PSD3: variants seen among roughly 807,000 people sequenced by gnomAD.
The protein encoded by PSD3 is pleckstrin and Sec7 domain containing 3.
A neutral mutation model predicts 105.5 loss-of-function variants in PSD3; 49 were observed. That is an observed-to-expected ratio of 0.46 (90% confidence interval 0.37 to 0.59). The LOEUF (loss-of-function observed/expected upper bound fraction) is 0.59. PSD3 is among the 20% of genes least tolerant of loss of function. PSD3 has a pLI of 0.00. For synonymous variants in PSD3, 557 were observed against 457.8 expected (o/e 1.22, Z -2.77); for missense variants, 1,561 against 1,263.8 (o/e 1.24, Z -3.57).
At chr8:18,888,262 A>T (rs1586334112) in intron 2 of PSD3, among the ~76,000 whole-genome samples, 1 of 152,354 alleles carries the variant, frequency 6.6e-6, no homozygotes, top group East Asian at 1.9e-4. Flanking sequence ...ATACACCCAG[A>T]AACAGAAGCT....
chr8:18,973,336 C>T (rs1824756107), intron 1 of PSD3, among the ~76,000 whole-genome samples: 1 of 152,190 alleles, frequency 6.6e-6, no homozygotes, highest in Admixed American at 6.5e-5. Context: ...GTGGCTTAAG[C>T]AACAGACATT....
At chr8:18,812,189 T>C (rs1811753819) in intron 4 of PSD3, among the ~76,000 whole-genome samples, 1 of 152,172 alleles carries the variant, frequency 6.6e-6, no homozygotes, top group African/African-American at 2.4e-5. Flanking sequence ...ATGTTGACGC[T>C]GAACTAGCTG....
intron 8 of PSD3, among the ~76,000 whole-genome samples, chr8:18,793,012 C>T (rs1422155266): frequency 1.3e-5 from 2 of 152,144 alleles, no homozygotes; most frequent in African/African-American, 4.8e-5. Flanking sequence ...ATGATGAGTT[C>T]ATATGCTTTG....
intron 14 of PSD3, among the ~76,000 whole-genome samples, chr8:18,571,801 A>C (rs184186727): frequency 4.7e-4 from 72 of 152,352 alleles, no homozygotes; most frequent in African/African-American, 1.6e-3. Flanking sequence ...CTATGTAATA[A>C]GAAATTCACA....
At chr8:18,663,215 C>T (rs1809486455) in intron 9 of PSD3, among the ~76,000 whole-genome samples, 1 of 151,990 alleles carries the variant, frequency 6.6e-6, no homozygotes, top group Admixed American at 6.6e-5. Context: ...TCACTTGAGC[C>T]CAGGAGTTCG....
chr8:18,900,919 A>G (rs1303645925), intron 2 of PSD3, among the ~76,000 whole-genome samples: 1 of 152,142 alleles, frequency 6.6e-6, no homozygotes, highest in African/African-American at 2.4e-5. Context: ...TAGCAACAAC[A>G]GGTGGCTTCA....
chr8:18,557,746 C>T (rs1433476615), intron 14 of PSD3, among the ~76,000 whole-genome samples: 1 of 152,214 alleles, frequency 6.6e-6, no homozygotes, highest in African/African-American at 2.4e-5. Flanking sequence ...AAGGCGTCTA[C>T]ATCTCCAAAC....
intron 1 of PSD3, among the ~76,000 whole-genome samples, chr8:18,969,536 T>G (rs1475549456): frequency 2.6e-5 from 4 of 152,256 alleles, no homozygotes; most frequent in Non-Finnish European, 5.9e-5. Context: ...AACTTTTTAT[T>G]AGTGGCCATT....
intron 2 of PSD3, among the ~76,000 whole-genome samples, chr8:18,907,463 C>T: frequency 6.6e-6 from 1 of 152,224 alleles, no homozygotes; most frequent in Non-Finnish European, 1.5e-5. Context: ...GCATGAACCA[C>T]TGCACCTGGC....
intron 1 of PSD3, among the ~76,000 whole-genome samples, chr8:19,024,689 A>G (rs1243098030): frequency 6.6e-6 from 1 of 152,096 alleles, no homozygotes; most frequent in East Asian, 1.9e-4. Flanking sequence ...CAGCCACACA[A>G]CCGACCTCCA....
rs114821281 is a variant in PSD3 at position 18,552,433 on chromosome 8, C to T, written c.2928+3776G>A. 5.6e-3 allele frequency among the ~76,000 whole-genome samples: 849 copies of T among 152,188 alleles called. 10 individuals carry two copies. Among genetic ancestry groups the T allele is most frequent in the African/African-American group, 0.02 (825 of 41,538 alleles). On this transcript the variant is annotated intron_variant, in intron 15 of 15. Transcript: ENST00000327040. Reference sequence around the variant, plus strand: ...AAGCTGAAGAAACATAAAACCAAAACATTAGGGCCAACTGCATTGCTGTCA... The same window carrying T: ...AAGCTGAAGAAACATAAAACCAAAATATTAGGGCCAACTGCATTGCTGTCA...
At position 18,731,454 on chromosome 8, in the gene PSD3, C is replaced by A. The variant is rs538400301; in HGVS notation, c.2172+33995G>T. Among the ~76,000 whole-genome samples the A allele has an allele frequency of 4.6e-5, 7 of 152,276 alleles. No individual in the cohort carries two copies. The South Asian group carries it at 1.5e-3, about 32-fold the overall frequency. ...ATTCTCTATACCCTTCCTCTTTTAT[C>A]TATTTGATACTTAAAATTTACTGCC... On this transcript the variant is annotated intron_variant, in intron 9 of 15. Transcript: ENST00000327040.
At chr8:18,750,333 T>C (rs1168134353) in intron 9 of PSD3, among the ~76,000 whole-genome samples, 1 of 152,074 alleles carries the variant, frequency 6.6e-6, no homozygotes, top group Non-Finnish European at 1.5e-5. Context: ...GGTGGGTTCG[T>C]GGTCTCGCTG....
At position 18,727,334 on chromosome 8, in the gene PSD3, C is replaced by CAA. The variant is rs11300334; in HGVS notation, c.2172+38113_2172+38114dup. On this transcript the variant is annotated intron_variant, in intron 9 of 15. Coordinates refer to ENST00000327040, the MANE Select transcript of PSD3 (RefSeq NM_015310.4). ...CCCAGGAAACCGCAAGACTGTGTCT[C>CAA]AAAAAAAAAAAAAAAAAAAAAAAAA... 4.0e-3 allele frequency among the ~76,000 whole-genome samples: 223 copies of CAA among 55,766 alleles called. 3 individuals are homozygous for CAA. Among genetic ancestry groups the CAA allele is most frequent in the Admixed American group, 0.024 (93 of 3,820 alleles). 36.6% of individuals were successfully genotyped at this position (55,766 alleles called of 152,430 possible).
At chr8:18,914,548 G>A (rs1403282061) in intron 2 of PSD3, among the ~76,000 whole-genome samples, 2 of 152,098 alleles carry the variant, frequency 1.3e-5, no homozygotes, top group African/African-American at 4.8e-5. Flanking sequence ...ACAAAAACCA[G>A]TAGCAATTCT....
At chr8:18,540,141 G>T (rs180929362) in intron 15 of PSD3, among the ~76,000 whole-genome samples, 1 of 152,320 alleles carries the variant, frequency 6.6e-6, no homozygotes, top group African/African-American at 2.4e-5. Flanking sequence ...CATGTAAGTA[G>T]AAGTCTGCTA....
At chr8:18,985,677 T>C (rs748517639) in intron 1 of PSD3, among the ~76,000 whole-genome samples, 2 of 152,186 alleles carry the variant, frequency 1.3e-5, no homozygotes, top group Non-Finnish European at 2.9e-5. Flanking sequence ...AATAGCATTT[T>C]CTTCTGGGAT....
At chr8:18,848,779 G>C (rs1016962917) in intron 4 of PSD3, among the ~76,000 whole-genome samples, 3 of 152,174 alleles carry the variant, frequency 2.0e-5, no homozygotes, top group Non-Finnish European at 4.4e-5. Flanking sequence ...CTCACCCTAG[G>C]TTGGGGCGGA....
intron 8 of PSD3, 63 bp downstream of exon 8, chr8:18,799,232 G>C (rs1033473075): frequency 1.8e-5 from 25 of 1,393,004 alleles, no homozygotes; most frequent in Non-Finnish European, 2.4e-5. Flanking sequence ...AAATGTGTTT[G>C]AACATAAAAG....
Sources: allele counts gnomAD v4.1 joint callset (sites outside exome capture counted in the v4.1 genomes callset), GRCh38; gene constraint gnomAD v4.1.1; transcripts MANE v1.5; gene names NCBI Gene and HGNC (gene_info 2026-07-23, HGNC 2026-07-21).